ARHGEF7: variants seen among roughly 807,000 people sequenced by gnomAD.
The protein encoded by ARHGEF7 is Rho guanine nucleotide exchange factor 7, also known as PAK-interacting exchange factor beta.
In ARHGEF7, 33 loss-of-function variants were observed where a neutral mutation model predicts 109.8. That is an observed-to-expected ratio of 0.30 (90% CI 0.23 to 0.40). The LOEUF is 0.40. Among genes scored for constraint, ARHGEF7 ranks in the 10% least tolerant of loss-of-function variants. The probability of loss-of-function intolerance (pLI) is 1.00; values close to 1 mark genes in which losing one functional copy is unlikely to be tolerated. For missense variants in ARHGEF7, 938 were observed against 1,098.5 expected (o/e 0.85, Z 2.07); for synonymous variants, 458 against 424.6 (o/e 1.08, Z -0.97).
intron 1 of ARHGEF7, among the ~76,000 whole-genome samples, chr13:111,153,027 T>A (rs2075978242): frequency 6.6e-6 from 1 of 152,248 alleles, no homozygotes; most frequent in African/African-American, 2.4e-5. Context: ...GACTTACTGG[T>A]TTTCATGTTA....
intron 8 of ARHGEF7, among the ~76,000 whole-genome samples, chr13:111,247,146 A>C (rs1164374507): frequency 1.3e-5 from 2 of 152,156 alleles, no homozygotes; most frequent in Non-Finnish European, 2.9e-5. Context: ...TTTTATTATG[A>C]ATATTCTGAA....
At chr13:111,246,746 T>G (rs1326482283) in intron 8 of ARHGEF7, among the ~76,000 whole-genome samples, 1 of 152,238 alleles carries the variant, frequency 6.6e-6, no homozygotes, top group Non-Finnish European at 1.5e-5. Context: ...TAATTCAAAG[T>G]CTTTGTAAGA....
chr13:111,123,713 C>T (rs1021795417), intron 1 of ARHGEF7, among the ~76,000 whole-genome samples: 9 of 152,184 alleles, frequency 5.9e-5, no homozygotes, highest in African/African-American at 2.2e-4. Context: ...GTATGCCAGG[C>T]ACTGTTCTAA....
intron 9 of ARHGEF7, among the ~76,000 whole-genome samples, chr13:111,270,626 G>C (rs912217365): frequency 2.6e-5 from 4 of 152,056 alleles, no homozygotes; most frequent in Non-Finnish European, 4.4e-5. Flanking sequence ...AGTTTTGTTA[G>C]TTTTTCTCTG....
intron 5 of ARHGEF7, among the ~76,000 whole-genome samples, chr13:111,220,926 G>A (rs1050848384): frequency 6.8e-6 from 1 of 147,682 alleles, no homozygotes; most frequent in East Asian, 1.9e-4. Context: ...TAGAGGGACA[G>A]AACTAATAGT....
upstream of ARHGEF7, chr13:111,115,235 G>GCCGC (rs1181887601): frequency 6.8e-6 from 1 of 147,154 alleles, no homozygotes; most frequent in African/African-American, 2.4e-5. Flanking sequence ...CGGGCGGACG[G>GCCGC]CCGCGTCTTT....
chr13:111,133,263 T>A (rs571026624), intron 1 of ARHGEF7, among the ~76,000 whole-genome samples: 4 of 152,022 alleles, frequency 2.6e-5, no homozygotes, highest in African/African-American at 9.7e-5. Context: ...ATACATACAG[T>A]ATATACACAC....
chr13:111,265,444 C>T, intron 8 of ARHGEF7: 1 of 389,104 alleles, frequency 2.6e-6, no homozygotes, highest in South Asian at 1.9e-5. Context: ...TTTCCTAATA[C>T]TTGTGACTTG....
At chr13:111,206,842 G>T (rs972945675) in intron 3 of ARHGEF7, among the ~76,000 whole-genome samples, 2 of 151,504 alleles carry the variant, frequency 1.3e-5, no homozygotes, top group Non-Finnish European at 2.9e-5. Flanking sequence ...GGCACCTGTA[G>T]TCCCAGCTAC....
In ARHGEF7 at chr13:111,209,902, C is replaced by T. The variant is rs775368431; in HGVS notation, c.368C>T (p.Ala123Val). The T allele has an allele frequency of 1.4e-5, 22 of 1,614,144 alleles. No homozygotes were observed. Among genetic ancestry groups the T allele is most frequent in the Non-Finnish European group, 1.9e-5 (22 of 1,180,024 alleles). The change falls in exon 4 of 22, where the codon GCC becomes GTC. Residue 123 changes from alanine (A) to valine (V), a missense_variant. Around this residue, in one of 4 missense-constraint regions of ARHGEF7, gnomAD observed 585 missense variants for 723.6 expected, o/e 0.81. Transcript: ENST00000646102. ...DIGLGSDSVC[A>V]RPSSHRIKSF... ...GGGCTGGGGAGTGACTCCGTGTGTGCCCGGCCCTCGTCTCACCGCATAAAG... is the reference window on the plus strand; with the variant it reads ...GGGCTGGGGAGTGACTCCGTGTGTGTCCGGCCCTCGTCTCACCGCATAAAG...
chr13:111,224,278 A>G (rs887992171), intron 5 of ARHGEF7, among the ~76,000 whole-genome samples: 1 of 150,114 alleles, frequency 6.7e-6, no homozygotes, highest in African/African-American at 2.4e-5. Flanking sequence ...AGAAGCAGCA[A>G]GGTCCATTCT....
intron 1 of ARHGEF7, among the ~76,000 whole-genome samples, chr13:111,128,064 C>A (rs1233330047): frequency 2.0e-5 from 3 of 152,184 alleles, no homozygotes; most frequent in African/African-American, 7.2e-5. Context: ...ACTTCCTCAA[C>A]ATGCTAAGGG....
chr13:111,280,436 AGAAG>A, intron 14 of ARHGEF7, 86 bp downstream of exon 14: 1 of 1,584,810 alleles, frequency 6.3e-7, no homozygotes, highest in Non-Finnish European at 8.6e-7. Context: ...TGCGTATTTC[AGAAG>A]GTGGTGTTTA....
chr13:111,279,413 A>T (rs1378501594), intron 13 of ARHGEF7, among the ~76,000 whole-genome samples: 1 of 152,106 alleles, frequency 6.6e-6, no homozygotes, highest in African/African-American at 2.4e-5. Context: ...AGCCCCTGCC[A>T]GGTTGTGGCA....
chr13:111,213,754 A>G (rs1380441339), intron 4 of ARHGEF7, among the ~76,000 whole-genome samples: 1 of 152,210 alleles, frequency 6.6e-6, no homozygotes, highest in Admixed American at 6.5e-5. Context: ...CAATGATAAA[A>G]TAGTGATGAA....
intron 19 of ARHGEF7, among the ~76,000 whole-genome samples, chr13:111,299,049 T>C (rs1334403903): frequency 1.3e-5 from 2 of 152,230 alleles, no homozygotes; most frequent in Admixed American, 6.5e-5. Context: ...TATCTTCTTA[T>C]GCCCGCGAGG....
chr13:111,303,595 C>T lies in ARHGEF7; in HGVS notation c.*482C>T, dbSNP rs3825460. 535 of 152,542 alleles carry T rather than the reference C, an allele frequency of 3.5e-3. 17 individuals carry two copies. The East Asian group carries it at 0.057, about 16-fold the overall frequency. The allele number at this position is 152,542 out of a possible 1,614,324, so 9.4% of individuals were successfully genotyped here. Reference sequence around the variant, plus strand: ...GCAGAAGCCTGGTGGATGCCTGGTTCGTTCCGCAGCACCAGGGCCTCCACC... The same window carrying T: ...GCAGAAGCCTGGTGGATGCCTGGTTTGTTCCGCAGCACCAGGGCCTCCACC... On this transcript the variant is annotated 3_prime_UTR_variant, in exon 22 of 22. Transcript: ENST00000646102.
At chr13:111,126,593 C>T (rs2067578671) in intron 1 of ARHGEF7, among the ~76,000 whole-genome samples, 1 of 152,050 alleles carries the variant, frequency 6.6e-6, no homozygotes, top group Admixed American at 6.5e-5. Context: ...CATAATTTTC[C>T]ATGATAAGAG....
At chr13:111,143,660 T>A (rs1370352572) in intron 1 of ARHGEF7, 1 of 152,126 alleles carries the variant, frequency 6.6e-6, no homozygotes, top group Non-Finnish European at 1.5e-5. Context: ...GTCTTATGAA[T>A]CTGTACTGCT....
Sources: allele counts gnomAD v4.1 joint callset (sites outside exome capture counted in the v4.1 genomes callset), GRCh38; gene constraint gnomAD v4.1.1; regional missense constraint gnomAD v4.1.1; transcripts MANE v1.5; gene names NCBI Gene and HGNC (gene_info 2026-07-23, HGNC 2026-07-21).